KAZN: variants seen among roughly 807,000 people sequenced by gnomAD.
KAZN encodes kazrin.
In KAZN, 40 loss-of-function variants were observed where a neutral mutation model predicts 87.4. That is an observed-to-expected ratio of 0.46 (90% CI 0.36 to 0.60). The LOEUF (loss-of-function observed/expected upper bound fraction) is 0.60. Among genes scored for constraint, KAZN ranks in the 20% least tolerant of loss-of-function variants. KAZN has a pLI of 0.00. For synonymous variants in KAZN, 466 were observed against 458.3 expected, an observed-to-expected ratio of 1.02 and a Z score of -0.22; for missense variants, 898 against 1,073.9, an observed-to-expected ratio of 0.84 and a Z score of 2.29.
At chr1:14,106,101 C>T (rs190310615) in intron 1 of KAZN, among the ~76,000 whole-genome samples, 3 of 152,282 alleles carry the variant, frequency 2.0e-5, no homozygotes, top group African/African-American at 7.2e-5. Flanking sequence ...GGAGAATATT[C>T]CACATTGATT....
At chr1:14,556,450 A>G (rs548014180) in intron 2 of KAZN, among the ~76,000 whole-genome samples, 1 of 152,166 alleles carries the variant, frequency 6.6e-6, no homozygotes, top group African/African-American at 2.4e-5. Flanking sequence ...ATTAATTCAT[A>G]AGCACATGAA....
rs553694097 is a variant in KAZN at position 14,851,535 on chromosome 1, A to G, written c.227-109149A>G. Among the ~76,000 whole-genome samples, 150 of 152,330 alleles carry G rather than the reference A, an allele frequency of 9.8e-4. 1 individual carries two copies. Among genetic ancestry groups the G allele is most frequent in the African/African-American group, 3.2e-3 (135 of 41,574 alleles). On this transcript the variant is annotated intron_variant, in intron 1 of 14. Transcript: ENST00000376030. ...GCAAGCAAGAACAAAGGCACCCCTC[A>G]TCAGAGGCTCGTTTGGGGTGTCCAT...
At chr1:14,632,311 C>G (rs78861769) in intron 1 of KAZN, among the ~76,000 whole-genome samples, 4 of 152,274 alleles carry the variant, frequency 2.6e-5, no homozygotes, top group African/African-American at 9.6e-5. Context: ...ACATCCCTTT[C>G]ATGGTTGGTT....
At chr1:13,972,828 G>T (rs2101053582) in intron 1 of KAZN, among the ~76,000 whole-genome samples, 1 of 152,298 alleles carries the variant, frequency 6.6e-6, no homozygotes. Context: ...GTTAACATCT[G>T]TAAAATTAAG....
intron 8 of KAZN, among the ~76,000 whole-genome samples, chr1:15,068,671 A>G (rs1231814389): frequency 1.3e-5 from 2 of 152,048 alleles, no homozygotes; most frequent in Non-Finnish European, 2.9e-5. Flanking sequence ...CCTAGCCCCA[A>G]GAGAACCCCC....
chr1:14,284,858 G>A (rs1226075967), intron 2 of KAZN, among the ~76,000 whole-genome samples: 1 of 152,212 alleles, frequency 6.6e-6, no homozygotes, highest in Non-Finnish European at 1.5e-5. Flanking sequence ...TATTGGGCAA[G>A]TTAGTACCAG....
At chr1:14,863,911 C>A (rs1157203551) in intron 1 of KAZN, among the ~76,000 whole-genome samples, 1 of 152,166 alleles carries the variant, frequency 6.6e-6, no homozygotes, top group African/African-American at 2.4e-5. Flanking sequence ...AGTAGTCCTG[C>A]AGAACTACAG....
intron 1 of KAZN, among the ~76,000 whole-genome samples, chr1:14,734,307 T>C (rs796974449): frequency 1.3e-5 from 1 of 77,616 alleles, no homozygotes; most frequent in East Asian, 4.5e-4. Flanking sequence ...TTTTTTCTTT[T>C]CTTTTTTTTT....
At chr1:14,822,956 A>G (rs1365224285) in intron 1 of KAZN, among the ~76,000 whole-genome samples, 1 of 152,118 alleles carries the variant, frequency 6.6e-6, no homozygotes, top group African/African-American at 2.4e-5. Flanking sequence ...CGAGTGGATC[A>G]CTGGCGAGGT....
At chr1:15,019,031 T>TA (rs1378532667) in intron 2 of KAZN, among the ~76,000 whole-genome samples, 1 of 152,152 alleles carries the variant, frequency 6.6e-6, no homozygotes, top group Non-Finnish European at 1.5e-5. Flanking sequence ...CCTGAATCCT[T>TA]AGTGACCTGC....
intron 1 of KAZN, among the ~76,000 whole-genome samples, chr1:13,954,392 C>A (rs1185893945): frequency 6.6e-6 from 1 of 152,178 alleles, no homozygotes; most frequent in East Asian, 1.9e-4. Context: ...CTGACTGGTT[C>A]AAAAATAATT....
chr1:14,830,307 A>G (rs1202830792), intron 1 of KAZN, among the ~76,000 whole-genome samples: 3 of 152,234 alleles, frequency 2.0e-5, no homozygotes, highest in Non-Finnish European at 4.4e-5. Flanking sequence ...GAAAAATGAC[A>G]GTCCCAGCAA....
intron 2 of KAZN, among the ~76,000 whole-genome samples, chr1:14,541,840 C>T (rs1230061319): frequency 6.6e-6 from 1 of 152,232 alleles, no homozygotes; most frequent in African/African-American, 2.4e-5. Flanking sequence ...TCCTCGGTCT[C>T]ATCTTTAAAG....
At chr1:14,993,156 A>G (rs1167940594) in intron 2 of KAZN, among the ~76,000 whole-genome samples, 1 of 144,144 alleles carries the variant, frequency 6.9e-6, no homozygotes, top group Admixed American at 6.8e-5. Context: ...AGCAAAGGTT[A>G]CATAAGCAAT....
At chr1:14,326,868 A>G (rs1213639994) in intron 2 of KAZN, among the ~76,000 whole-genome samples, 3 of 152,092 alleles carry the variant, frequency 2.0e-5, no homozygotes, top group African/African-American at 2.4e-5. Context: ...CCCACATACA[A>G]TAGTAATCAC....
At chr1:14,084,283 G>A (rs1247815825) in intron 1 of KAZN, among the ~76,000 whole-genome samples, 1 of 152,182 alleles carries the variant, frequency 6.6e-6, no homozygotes, top group African/African-American at 2.4e-5. Context: ...GGCCTTGGAG[G>A]GAGGGAACTC....
At chr1:14,055,593 C>T (rs1490257856) in intron 1 of KAZN, among the ~76,000 whole-genome samples, 3 of 152,150 alleles carry the variant, frequency 2.0e-5, no homozygotes, top group Non-Finnish European at 4.4e-5. Context: ...GGCATCCATA[C>T]AGGAAAGCCC....
At chr1:14,957,708 A>G (rs1663307179) in intron 1 of KAZN, among the ~76,000 whole-genome samples, 1 of 152,206 alleles carries the variant, frequency 6.6e-6, no homozygotes, top group Non-Finnish European at 1.5e-5. Flanking sequence ...GGCAGGTCAC[A>G]GCTCTGCGGA....
chr1:15,042,466 A>G (rs1316746749), intron 3 of KAZN, among the ~76,000 whole-genome samples: 1 of 152,146 alleles, frequency 6.6e-6, no homozygotes, highest in Non-Finnish European at 1.5e-5. Flanking sequence ...TTCTCAGAGG[A>G]GGAGACAATT....
Sources: gnomAD v4.1 joint callset for allele counts (sites outside exome capture counted in the v4.1 genomes callset) on GRCh38, gnomAD v4.1.1 for gene constraint, MANE v1.5 for transcripts, NCBI Gene and HGNC (gene_info 2026-07-23, HGNC 2026-07-21) for gene names.